SFMBT1: variants seen among roughly 807,000 people sequenced by gnomAD.
SFMBT1 encodes Scm like with four mbt domains 1, also known as scm-like with four MBT domains protein 1.
In SFMBT1, 32 loss-of-function variants were observed where a neutral mutation model predicts 108.7. The observed-to-expected ratio is 0.29, with a 90% CI of 0.22 to 0.40. The LOEUF (loss-of-function observed/expected upper bound fraction) is 0.40. Among genes scored for constraint, SFMBT1 ranks in the 10% least tolerant of loss-of-function variants. The pLI, the probability that SFMBT1 is intolerant of heterozygous loss-of-function variation, is 1.00. For missense variants in SFMBT1, 816 were observed against 1,059.6 expected, an observed-to-expected ratio of 0.77 and a Z score of 3.19; for synonymous variants, 348 against 369.5, an observed-to-expected ratio of 0.94 and a Z score of 0.67.
chr3:52,959,877 C>G (rs1216517732), intron 2 of SFMBT1, among the ~76,000 whole-genome samples: 1 of 151,754 alleles, frequency 6.6e-6, no homozygotes, highest in Non-Finnish European at 1.5e-5. Flanking sequence ...TGTTGTTGTT[C>G]ATTGACGTAT....
chr3:52,963,062 C>T (rs910320617), intron 2 of SFMBT1, among the ~76,000 whole-genome samples: 1 of 150,944 alleles, frequency 6.6e-6, no homozygotes, highest in Non-Finnish European at 1.5e-5. Context: ...GGTGCGATCT[C>T]GGCTCACTGC....
chr3:53,022,956 ATGGTTAAGATGC>A (rs1265114504), intron 1 of SFMBT1, among the ~76,000 whole-genome samples: 1 of 152,228 alleles, frequency 6.6e-6, no homozygotes, highest in African/African-American at 2.4e-5. Context: ...ACACTTAAAA[ATGGTTAAGATGC>A]TAAATTTTAT....
At chr3:53,024,860 C>A (rs1488721769) in intron 1 of SFMBT1, among the ~76,000 whole-genome samples, 1 of 152,158 alleles carries the variant, frequency 6.6e-6, no homozygotes, top group African/African-American at 2.4e-5. Flanking sequence ...TTGTCTAAAG[C>A]CATTATATTG....
chr3:52,928,205 A>C lies in SFMBT1; in HGVS notation c.1034T>G (p.Ile345Ser), dbSNP rs1702716805. ...VQWSLKNGLHISPPPGYPSQD... is the reference protein window; with the variant it reads ...VQWSLKNGLHSSPPPGYPSQD... Reference sequence around the variant, plus strand: ...CGAATGTGCACCTGGAGGGGGGCTGATGTGTAGGCCATTCTTCAGACTCCA... The same window carrying C: ...CGAATGTGCACCTGGAGGGGGGCTGCTGTGTAGGCCATTCTTCAGACTCCA... Residue 345 changes from isoleucine (I) to serine (S), a missense_variant, in exon 9 of 21, where the codon ATC becomes AGC. Around this residue, in one of 5 missense-constraint regions of SFMBT1, gnomAD observed 495 missense variants for 607.4 expected, o/e 0.81. Transcript: ENST00000394752. 1 of 1,612,416 alleles carries C rather than the reference A, an allele frequency of 6.2e-7. No homozygotes were observed. Among genetic ancestry groups the C allele is most frequent in the African/African-American group, 1.3e-5 (1 of 74,822 alleles).
At chr3:52,955,230 T>C (rs912950205) in intron 2 of SFMBT1, among the ~76,000 whole-genome samples, 3 of 151,922 alleles carry the variant, frequency 2.0e-5, no homozygotes, top group Admixed American at 6.6e-5. Context: ...CTGGCCAACA[T>C]GGTGAAACCC....
intron 3 of SFMBT1, among the ~76,000 whole-genome samples, chr3:52,944,003 A>G (rs149280207): frequency 9.9e-4 from 151 of 152,326 alleles, no homozygotes; most frequent in African/African-American, 3.4e-3. Flanking sequence ...TTAGTACAAT[A>G]TGTACCATAT....
At chr3:52,923,558 C>CAA (rs199694774) in intron 10 of SFMBT1, among the ~76,000 whole-genome samples, 5 of 119,658 alleles carry the variant, frequency 4.2e-5, no homozygotes, top group Admixed American at 8.5e-5. Flanking sequence ...AAAGCTCCAT[C>CAA]AAAAAAAAAA....
chr3:52,950,581 T>G (rs1382007251), intron 3 of SFMBT1, among the ~76,000 whole-genome samples: 1 of 152,044 alleles, frequency 6.6e-6, no homozygotes, highest in Non-Finnish European at 1.5e-5. Flanking sequence ...TTCAAGCAAT[T>G]CTCCCGTCTC....
At chr3:52,999,710 C>A (rs1234585857) in intron 1 of SFMBT1, among the ~76,000 whole-genome samples, 7 of 149,768 alleles carry the variant, frequency 4.7e-5, no homozygotes, top group African/African-American at 9.7e-5. Context: ...GCAGGGTGAG[C>A]CCCCACTCAT....
chr3:53,024,769 G>C (rs1699430798), intron 1 of SFMBT1, among the ~76,000 whole-genome samples: 1 of 152,148 alleles, frequency 6.6e-6, no homozygotes. Context: ...AATCTCGCTG[G>C]AAATCATACA....
At chr3:52,916,056 C>T (rs1702342245) in intron 14 of SFMBT1, 94 bp downstream of exon 14, 1 of 1,028,548 alleles carries the variant, frequency 9.7e-7, no homozygotes, top group Non-Finnish European at 1.5e-6. Context: ...AAGACACATA[C>T]TATACATCAA....
intron 1 of SFMBT1, among the ~76,000 whole-genome samples, chr3:53,037,581 C>T (rs949857773): frequency 7.2e-5 from 11 of 152,138 alleles, no homozygotes; most frequent in African/African-American, 2.4e-4. Flanking sequence ...TGTTTTAATA[C>T]CATCATAAAC....
intron 1 of SFMBT1, among the ~76,000 whole-genome samples, chr3:53,023,409 A>T (rs1035647929): frequency 6.6e-6 from 1 of 152,214 alleles, no homozygotes; most frequent in Admixed American, 6.5e-5. Flanking sequence ...TAGCTTTCTT[A>T]TATTTCAGTC....
At chr3:52,929,617 C>T (rs574238020) in intron 8 of SFMBT1, among the ~76,000 whole-genome samples, 81 of 152,354 alleles carry the variant, frequency 5.3e-4, no homozygotes, top group African/African-American at 1.9e-3. Context: ...TCTGGCCCCA[C>T]CTGCAGGCTC....
rs35167235 is a variant in SFMBT1 at position 52,996,206 on chromosome 3, C to CTTTT, written c.-130-26952_-130-26949dup. ...AAAAAGCTCTTAAAAATAAACAATC[C>CTTTT]TTTTTTTTTTTTTTTTTTTTTTTGA... On this transcript the variant is annotated intron_variant, in intron 1 of 20. Transcript: ENST00000394752. 1.2e-3 allele frequency among the ~76,000 whole-genome samples: 108 copies of CTTTT among 88,112 alleles called. 1 individual carries two copies. The highest frequency in any genetic ancestry group is 6.6e-3 in the South Asian group (20 of 3,046). The allele number at this position is 88,112 out of a possible 152,430, so 57.8% of individuals were successfully genotyped here.
chr3:52,986,150 A>AG (rs1454959611), intron 1 of SFMBT1, among the ~76,000 whole-genome samples: 1 of 151,260 alleles, frequency 6.6e-6, no homozygotes, highest in Non-Finnish European at 1.5e-5. Flanking sequence ...CTCAGGAAAA[A>AG]AAAAAAAAAA....
chr3:52,989,435 AAAAGAAAGAAAG>A (rs60383345), intron 1 of SFMBT1, among the ~76,000 whole-genome samples: 3 of 137,796 alleles, frequency 2.2e-5, no homozygotes, highest in South Asian at 2.3e-4. Flanking sequence ...AAAAAAAAAA[AAAAGAAAGAAAG>A]AAAGAAAGAA....
At chr3:53,012,548 G>T (rs1220010503) in intron 1 of SFMBT1, among the ~76,000 whole-genome samples, 1 of 151,874 alleles carries the variant, frequency 6.6e-6, no homozygotes, top group African/African-American at 2.4e-5. Flanking sequence ...GACTACAGGC[G>T]CCCGCCACCA....
chr3:52,972,680 G>C (rs1446897084), intron 1 of SFMBT1, among the ~76,000 whole-genome samples: 1 of 151,504 alleles, frequency 6.6e-6, no homozygotes, highest in Non-Finnish European at 1.5e-5. Context: ...GGCCGAGGCA[G>C]GTGGATTGCT....
Sources: gnomAD v4.1 joint callset for allele counts (sites outside exome capture counted in the v4.1 genomes callset) on GRCh38, gnomAD v4.1.1 for gene constraint, gnomAD v4.1.1 regional missense constraint, MANE v1.5 for transcripts, NCBI Gene and HGNC (gene_info 2026-07-23, HGNC 2026-07-21) for gene names.